The following PDK1 variants were observed in gnomAD, a reference collection of about 807,000 sequenced individuals.
PDK1 encodes the protein [Pyruvate dehydrogenase (acetyl-transferring)] kinase isozyme 1, mitochondrial.
PDK1 carries 39 observed loss-of-function variants against 54.2 expected under a neutral mutation model. That is an observed-to-expected ratio of 0.72 (90% CI 0.56 to 0.94). The LOEUF is 0.94. Among genes scored for constraint, PDK1 ranks in the 40% least tolerant of loss-of-function variants. The pLI is 0.00. For missense variants in PDK1, 552 were observed against 566.0 expected (o/e 0.98, Z 0.25); for synonymous variants, 221 against 207.1 (o/e 1.07, Z -0.58).
the PDK1 span, among the ~76,000 whole-genome samples, chr2:172,618,253 C>T: frequency 2.0e-5 from 3 of 152,022 alleles, no homozygotes; most frequent in Non-Finnish European, 4.4e-5. Flanking sequence ...CATCATTCAT[C>T]TTAAGATATA....
At chr2:172,579,818 A>T in intron 8 of PDK1, among the ~76,000 whole-genome samples, 1 of 147,994 alleles carries the variant, frequency 6.8e-6, no homozygotes, top group African/African-American at 2.5e-5. Context: ...TATTTTCTTG[A>T]TATTTTCCTT....
At chr2:172,621,868 G>A in the PDK1 span, among the ~76,000 whole-genome samples, 1,820 of 96,078 alleles carry the variant, frequency 0.019, 96 homozygotes, top group African/African-American at 0.09. Context: ...TATCTCATAT[G>A]TATGATATAT....
the PDK1 span, among the ~76,000 whole-genome samples, chr2:172,639,521 G>A: frequency 6.2e-4 from 95 of 152,214 alleles, 1 homozygote; most frequent in South Asian, 0.013. Context: ...TATTCTTTGC[G>A]ATTAAAAGCA....
rs571525454 is a variant in PDK1, at chr2:172,587,676, T to C, written c.1056+1288T>C. 2.3e-3 allele frequency among the ~76,000 whole-genome samples: 345 copies of C among 152,318 alleles called. 1 individual carries two copies. Among genetic ancestry groups the C allele is most frequent in the Non-Finnish European group, 2.7e-3 (185 of 68,016 alleles). ...GCCGCTGCTGGCTGTGGGGGCCTGC[T>C]TTTATTCACTTATCTGGCCCCACCC... On this transcript the variant is annotated intron_variant, in intron 9 of 10. Coordinates refer to ENST00000282077, the MANE Select transcript of PDK1 (RefSeq NM_002610.5).
chr2:172,637,633 T>C, the PDK1 span, among the ~76,000 whole-genome samples: 2 of 152,152 alleles, frequency 1.3e-5, no homozygotes, highest in Admixed American at 6.5e-5. Context: ...ATACATAACT[T>C]AGTACTTTCA....
the PDK1 span, among the ~76,000 whole-genome samples, chr2:172,722,662 T>C: frequency 6.6e-6 from 1 of 152,156 alleles, no homozygotes; most frequent in African/African-American, 2.4e-5. Flanking sequence ...ATAACTATCA[T>C]GGCAGGTGAG....
the PDK1 span, among the ~76,000 whole-genome samples, chr2:172,616,198 T>C: frequency 6.6e-6 from 1 of 152,208 alleles, no homozygotes; most frequent in African/African-American, 2.4e-5. Flanking sequence ...TTTAGCAGTT[T>C]TTTTGTAAAG....
At chr2:172,666,501 TAGCCCCTA>T in the PDK1 span, among the ~76,000 whole-genome samples, 3 of 152,196 alleles carry the variant, frequency 2.0e-5, no homozygotes, top group East Asian at 5.8e-4. Flanking sequence ...CTGACGCAGG[TAGCCCCTA>T]CTGCTGTGTC....
chr2:172,668,906 TAGAGAGAG>T, the PDK1 span, among the ~76,000 whole-genome samples: 1,872 of 130,574 alleles, frequency 0.014, 20 homozygotes, highest in South Asian at 0.029. Flanking sequence ...TATATATATA[TAGAGAGAG>T]AGAGAGAGAG....
chr2:172,580,392 A>G (rs888054994), intron 8 of PDK1, among the ~76,000 whole-genome samples: 1 of 151,976 alleles, frequency 6.6e-6, no homozygotes, highest in African/African-American at 2.4e-5. Flanking sequence ...TCTTTCTTGT[A>G]CCTTTTTCTG....
At chr2:172,613,432 T>C (rs1001695766), downstream of PDK1, among the ~76,000 whole-genome samples, 1 of 152,152 alleles carries the variant, frequency 6.6e-6, no homozygotes, top group Non-Finnish European at 1.5e-5. Flanking sequence ...AAAATCCTTA[T>C]CCTTATTTGA....
chr2:172,625,389 A>G, the PDK1 span, among the ~76,000 whole-genome samples: 38 of 152,262 alleles, frequency 2.5e-4, no homozygotes, highest in African/African-American at 9.1e-4. Flanking sequence ...TTCCTGACAG[A>G]TGTAATTGTC....
At chr2:172,703,176 A>C in the PDK1 span, among the ~76,000 whole-genome samples, 1 of 152,178 alleles carries the variant, frequency 6.6e-6, no homozygotes, top group South Asian at 2.1e-4. Flanking sequence ...AGAGTGCTGC[A>C]GCCACAAGGC....
In PDK1 at chr2:172,599,739, A is replaced by AC. The variant is rs1691049736; in HGVS notation, c.*3776dup. The AC allele has an allele frequency of 6.6e-6, 1 of 151,986 alleles. No homozygotes were observed. The highest frequency in any genetic ancestry group is 2.4e-5 in the African/African-American group (1 of 41,374). 9.4% of individuals were successfully genotyped at this position (151,986 alleles called of 1,614,324 possible). A position where few individuals can be genotyped will look rare whatever the true frequency, so the allele number is the denominator to read the frequency against. Reference sequence around the variant, plus strand: ...GAAAAAAGAATTGAACATATGTACCACCCCCCTCTTTCTAGAGTCTCCACA... The same window carrying AC: ...GAAAAAAGAATTGAACATATGTACCACCCCCCCTCTTTCTAGAGTCTCCACA... On this transcript the variant is annotated 3_prime_UTR_variant, in exon 11 of 11. Transcript: ENST00000282077.
the PDK1 span, among the ~76,000 whole-genome samples, chr2:172,628,851 G>A: frequency 5.3e-5 from 8 of 152,308 alleles, no homozygotes; most frequent in South Asian, 1.5e-3. Flanking sequence ...GGCCATGGTG[G>A]CTCATGCCTG....
the PDK1 span, among the ~76,000 whole-genome samples, chr2:172,682,009 C>T: frequency 2.0e-5 from 3 of 152,314 alleles, no homozygotes; most frequent in East Asian, 1.9e-4. Context: ...CTGTCCACCT[C>T]GGCCTTCCAA....
the PDK1 span, among the ~76,000 whole-genome samples, chr2:172,643,227 G>T: frequency 4.6e-5 from 7 of 152,206 alleles, no homozygotes; most frequent in Admixed American, 3.9e-4. Context: ...CTGAAAAGGT[G>T]ACTGTTAGCT....
At chr2:172,673,331 G>A in the PDK1 span, among the ~76,000 whole-genome samples, 1 of 152,150 alleles carries the variant, frequency 6.6e-6, no homozygotes, top group South Asian at 2.1e-4. Context: ...CTAGTTGAAT[G>A]TCCCTTGGAG....
the PDK1 span, among the ~76,000 whole-genome samples, chr2:172,721,510 A>G: frequency 1.3e-5 from 2 of 151,866 alleles, no homozygotes; most frequent in South Asian, 2.1e-4. Context: ...GCTAATTTTT[A>G]TATTTTTAGC....
Sources: allele counts gnomAD v4.1 joint callset (sites outside exome capture counted in the v4.1 genomes callset), GRCh38; gene constraint gnomAD v4.1.1; transcripts MANE v1.5; gene names NCBI Gene and HGNC (gene_info 2026-07-23, HGNC 2026-07-21).